The following ZCCHC2 variants were observed in gnomAD, a reference collection of about 807,000 sequenced individuals.
ZCCHC2 encodes the protein zinc finger CCHC domain-containing protein 2.
A neutral mutation model predicts 103.6 loss-of-function variants in ZCCHC2; 39 were observed. The observed-to-expected ratio is 0.38, with a 90% CI of 0.29 to 0.49. The LOEUF (loss-of-function observed/expected upper bound fraction) is 0.49, where lower values mean the gene tolerates loss of function less well. Ranked by LOEUF, ZCCHC2 falls within the 20% of genes least tolerant of loss-of-function variation. ZCCHC2 has a pLI of 0.96. For synonymous variants in ZCCHC2, 687 were observed against 608.9 expected, an observed-to-expected ratio of 1.13 and a Z score of -1.89; for missense variants, 1,483 against 1,491.0, an observed-to-expected ratio of 0.99 and a Z score of 0.09.
intron 8 of ZCCHC2, among the ~76,000 whole-genome samples, chr18:62,562,133 A>G (rs890034105): frequency 1.3e-5 from 2 of 151,826 alleles, no homozygotes; most frequent in African/African-American, 4.8e-5. Context: ...AGTAGCTGGA[A>G]CTACAGGCAC....
At chr18:62,576,474 T>C (rs1916846523) in intron 13 of ZCCHC2, 38 bp from the exon 14 acceptor site, 1 of 1,572,652 alleles carries the variant, frequency 6.4e-7, no homozygotes, top group Non-Finnish European at 8.7e-7. Context: ...TGACGTTTGC[T>C]TGTAAGCGGT....
chr18:62,544,729 T>C, intron 3 of ZCCHC2, 73 bp from the exon 4 acceptor site: 2 of 1,290,604 alleles, frequency 1.5e-6, no homozygotes, highest in Non-Finnish European at 2.1e-6. Context: ...CCTTTGTTTT[T>C]GCACATGGCT....
chr18:62,536,811 C>T (rs1039276427), intron 1 of ZCCHC2, among the ~76,000 whole-genome samples: 1 of 152,150 alleles, frequency 6.6e-6, no homozygotes, highest in African/African-American at 2.4e-5. Context: ...GAAACTCAAA[C>T]TTCATTTTTC....
rs1201227798 is a variant in ZCCHC2, at chr18:62,577,497, C to T, written c.*918C>T. On this transcript the variant is annotated 3_prime_UTR_variant, in exon 14 of 14. Transcript: ENST00000269499. The stretch of plus-strand genomic sequence containing the variant: ...AGAGACACTACTTGAGTGAAGATTT[C>T]TTCTTTCCCTGTACCAGCTGTTACA... 2.0e-5 allele frequency: 3 copies of T among 152,560 alleles called. No homozygotes were observed. Among genetic ancestry groups the T allele is most frequent in the Non-Finnish European group, 4.4e-5 (3 of 68,042 alleles). The allele number at this position is 152,560 out of a possible 1,614,324, so 9.5% of individuals were successfully genotyped here.
At chr18:62,542,419 C>A in intron 2 of ZCCHC2, 79 bp from the exon 3 acceptor site, 1 of 1,118,912 alleles carries the variant, frequency 8.9e-7, no homozygotes, top group Non-Finnish European at 1.3e-6. Context: ...CACTTGTCAA[C>A]TTTTAGGGTT....
At chr18:62,555,607 G>A (rs754713605) in intron 5 of ZCCHC2, among the ~76,000 whole-genome samples, 1 of 152,104 alleles carries the variant, frequency 6.6e-6, no homozygotes, top group African/African-American at 2.4e-5. Context: ...TCAGGAGTTC[G>A]AGACTAGCCT....
Position 62,576,631 on chromosome 18 carries a change from T to C in ZCCHC2, c.*52T>C. On this transcript the variant is annotated 3_prime_UTR_variant, in exon 14 of 14. Coordinates refer to ENST00000269499, the MANE Select transcript of ZCCHC2 (RefSeq NM_017742.6). ...CACTCAAGTGTGGGGAGTCATGGGG[T>C]GTGGAGGGGAGGAAAGGAAAGGTAT... 6.5e-7 allele frequency: 1 copy of C among 1,545,812 alleles called. No individual in the cohort carries two copies.
chr18:62,582,279 C>T (rs528624200), downstream of ZCCHC2, among the ~76,000 whole-genome samples: 3 of 152,264 alleles, frequency 2.0e-5, no homozygotes, highest in South Asian at 2.1e-4. Flanking sequence ...AGGTGTTGGC[C>T]GTGGGAAGGT....
At chr18:62,571,435 C>T (rs56076457) in intron 12 of ZCCHC2, among the ~76,000 whole-genome samples, 87,883 of 152,080 alleles carry the variant, frequency 0.58, 26,116 homozygotes, top group East Asian at 0.99. Flanking sequence ...TCTTACAGAT[C>T]GAGCTGTTTT....
intron 13 of ZCCHC2, among the ~76,000 whole-genome samples, chr18:62,576,028 T>TGA (rs1916827725): frequency 1.2e-5 from 1 of 81,598 alleles, no homozygotes; most frequent in South Asian, 8.2e-4. Context: ...CCAGCAAATG[T>TGA]TAAAAAAAAA....
rs551231190 is a variant in ZCCHC2, at chr18:62,557,553, A to G, written c.1409-1134A>G. On this transcript the variant is annotated intron_variant, in intron 6 of 13. Transcript: ENST00000269499. ...TTAGTTGACCAAGACAAAATGTACA[A>G]CTTCATGATTAAATTTATGTCTGAA... 7.2e-5 allele frequency among the ~76,000 whole-genome samples: 11 copies of G among 152,356 alleles called. No homozygotes were observed. In the South Asian group the frequency reaches 2.3e-3, roughly 32 times the overall value.
intron 2 of ZCCHC2, among the ~76,000 whole-genome samples, chr18:62,540,708 GATT>G (rs1029648608): frequency 1.3e-5 from 2 of 152,078 alleles, no homozygotes; most frequent in Non-Finnish European, 2.9e-5. Flanking sequence ...AGAACGTAGA[GATT>G]ATATCAAAAT....
intron 1 of ZCCHC2, among the ~76,000 whole-genome samples, chr18:62,528,562 G>C (rs1449979361): frequency 6.8e-6 from 1 of 147,586 alleles, no homozygotes; most frequent in Admixed American, 6.8e-5. Flanking sequence ...TGGCGCCACT[G>C]CACTCTAGCC....
chr18:62,562,294 G>A (rs773168391), intron 8 of ZCCHC2, among the ~76,000 whole-genome samples: 4 of 152,042 alleles, frequency 2.6e-5, no homozygotes, highest in Non-Finnish European at 5.9e-5. Flanking sequence ...GAGCCACCGT[G>A]CCCAGCCGTC....
At chr18:62,542,634 A>G (rs1915249853) in intron 3 of ZCCHC2, 60 bp downstream of exon 3, 1 of 1,428,832 alleles carries the variant, frequency 7.0e-7, no homozygotes, top group African/African-American at 1.4e-5. Context: ...CTTTGGGAAA[A>G]CTTGTGGCAG....
intron 1 of ZCCHC2, among the ~76,000 whole-genome samples, chr18:62,533,378 T>C (rs1014345030): frequency 2.3e-4 from 34 of 145,096 alleles, no homozygotes; most frequent in Non-Finnish European, 1.2e-4. Flanking sequence ...ATACAAAAAT[T>C]AGTCGGGCGT....
chr18:62,523,376 G>GGGGGGGGGCGC lies in ZCCHC2; in HGVS notation c.-49_-48insGGGGGGGGCGC. 9.9e-7 allele frequency: 1 copy of GGGGGGGGGCGC among 1,012,356 alleles called. No homozygotes were observed. Among genetic ancestry groups the GGGGGGGGGCGC allele is most frequent in the Non-Finnish European group, 1.2e-6 (1 of 848,992 alleles). The allele number at this position is 1,012,356 out of a possible 1,614,324, so 62.7% of individuals were successfully genotyped here. ...GCCTCGGCCCGTGCTCCACCTCGCG[G>GGGGGGGGGCGC]CCCCTCCCGCCCGCCCCCGCTCGCA... On this transcript the variant is annotated 5_prime_UTR_variant, in exon 1 of 14. Transcript: ENST00000269499.
downstream of ZCCHC2, among the ~76,000 whole-genome samples, chr18:62,579,729 T>A (rs979603414): frequency 4.6e-5 from 7 of 151,470 alleles, no homozygotes; most frequent in Admixed American, 2.0e-4. Context: ...AGTCTTTTCT[T>A]TTTTTTTTGT....
intron 12 of ZCCHC2, among the ~76,000 whole-genome samples, chr18:62,572,315 T>G (rs1324430328): frequency 6.6e-6 from 1 of 152,238 alleles, no homozygotes; most frequent in East Asian, 1.9e-4. Flanking sequence ...CAGGTGACTC[T>G]GTGGCTCACA....
Sources: allele counts gnomAD v4.1 joint callset (sites outside exome capture counted in the v4.1 genomes callset), GRCh38; gene constraint gnomAD v4.1.1; transcripts MANE v1.5; gene names NCBI Gene and HGNC (gene_info 2026-07-23, HGNC 2026-07-21).